Variants in MET observed in about 807,000 individuals in gnomAD.
The protein encoded by MET is hepatocyte growth factor receptor.
MET carries 48 observed loss-of-function variants against 133.1 expected under a neutral mutation model. The observed-to-expected ratio is 0.36, with a 90% CI of 0.29 to 0.46. MET has a LOEUF of 0.46. Among genes scored for constraint, MET ranks in the 20% least tolerant of loss-of-function variants. The pLI is 1.00. For missense variants in MET, 1,442 were observed against 1,695.9 expected (o/e 0.85, Z 2.63); for synonymous variants, 628 against 616.5 (o/e 1.02, Z -0.28).
chr7:116,719,689 GT>G (rs1325429134), intron 2 of MET, among the ~76,000 whole-genome samples: 1 of 152,196 alleles, frequency 6.6e-6, no homozygotes, highest in African/African-American at 2.4e-5. Flanking sequence ...AAGGGATCCA[GT>G]TTCAGCTTTC....
intron 2 of MET, among the ~76,000 whole-genome samples, chr7:116,729,677 C>T (rs1792921697): frequency 3.3e-5 from 5 of 152,176 alleles, no homozygotes; most frequent in Admixed American, 3.3e-4. Flanking sequence ...TTAATACTTT[C>T]TCCCGTCCCC....
intron 1 of MET, among the ~76,000 whole-genome samples, chr7:116,682,953 AAC>A (rs1259469540): frequency 6.6e-6 from 1 of 152,194 alleles, no homozygotes; most frequent in African/African-American, 2.4e-5. Flanking sequence ...CAAAGGATGA[AAC>A]AGTCTTTTCT....
At chr7:116,688,856 AAG>A (rs1475460487) in intron 1 of MET, among the ~76,000 whole-genome samples, 1 of 152,204 alleles carries the variant, frequency 6.6e-6, no homozygotes, top group Non-Finnish European at 1.5e-5. Context: ...TTATAGGACT[AAG>A]AGGGGATGCA....
intron 5 of MET, among the ~76,000 whole-genome samples, chr7:116,752,741 C>A (rs1455716880): frequency 1.3e-5 from 2 of 152,176 alleles, no homozygotes; most frequent in African/African-American, 4.8e-5. Context: ...ATCACCCAAT[C>A]CGTTTGCCTT....
chr7:116,699,707 A>G lies in MET; in HGVS notation c.623A>G (p.Asp208Gly), dbSNP rs587782086. 1.7e-5 allele frequency: 28 copies of G among 1,614,020 alleles called. No individual in the cohort carries two copies. The highest frequency in any genetic ancestry group is 2.1e-5 in the Non-Finnish European group (25 of 1,179,972). Residue 208 changes from aspartate to glycine, a missense_variant, in exon 2 of 21, where the codon GAT (aspartate) becomes GGT (glycine). Asp to Gly is a moderately conservative substitution (Grantham distance 94). Transcript: ENST00000397752. ...GNTINSSYFP[D>G]HPLHSISVRR... ...ACCATAAATTCTTCTTATTTCCCAG[A>G]TCATCCATTGCATTCGATATCAGTG...
intron 2 of MET, among the ~76,000 whole-genome samples, chr7:116,705,715 G>T (rs1047866755): frequency 1.3e-4 from 20 of 152,154 alleles, no homozygotes; most frequent in African/African-American, 4.3e-4. Context: ...GTAAGTAAAA[G>T]GTTATTAATT....
chr7:116,746,867 T>A (rs1793711066), intron 5 of MET, among the ~76,000 whole-genome samples: 1 of 152,098 alleles, frequency 6.6e-6, no homozygotes, highest in Non-Finnish European at 1.5e-5. Context: ...AACATGCACA[T>A]GTATACATAT....
chr7:116,695,715 A>G (rs957914699), intron 1 of MET: 2 of 465,414 alleles, frequency 4.3e-6, no homozygotes, highest in South Asian at 3.3e-5. Context: ...TTGCTTATCT[A>G]GAAGAGAAGG....
rs1309638201 is a variant in MET, at chr7:116,795,702, A to G, written c.3846A>G (p.Pro1282=). The change falls in exon 20 of 21, where the codon CCA becomes CCG. Residue 1282 remains proline, a synonymous_variant. Transcript: ENST00000397752. ...LLWELMTRGA[P]PYPDVNTFDI... The stretch of plus-strand genomic sequence containing the variant: ...GGGAGCTGATGACAAGAGGAGCCCC[A>G]CCTTATCCTGACGTAAACACCTTTG... 1.2e-6 allele frequency: 2 copies of G among 1,613,992 alleles called. No individual in the cohort carries two copies. Among genetic ancestry groups the G allele is most frequent in the African/African-American group, 2.7e-5 (2 of 74,910 alleles).
intron 5 of MET, among the ~76,000 whole-genome samples, chr7:116,754,052 T>A (rs1371090559): frequency 6.6e-6 from 1 of 152,146 alleles, no homozygotes; most frequent in African/African-American, 2.4e-5. Flanking sequence ...GGAGGATTGC[T>A]TGAGCCCAGG....
Position 116,782,104 on chromosome 7 carries a change from A to C in MET, c.3632+7A>C, listed in dbSNP as rs1795175584. 1 of 1,580,262 alleles carries C rather than the reference A, an allele frequency of 6.3e-7. No homozygotes were observed. Among genetic ancestry groups the C allele is most frequent in the South Asian group, 1.1e-5 (1 of 89,932 alleles). ...TGGCTGCAAGAAACTGTATGTAAGTATCAGAATCTCTGTGCCACAATCCAA... is the reference window on the plus strand; with the variant it reads ...TGGCTGCAAGAAACTGTATGTAAGTCTCAGAATCTCTGTGCCACAATCCAA... On this transcript the variant is annotated splice_region_variant and intron_variant, in intron 18 of 20. Transcript: ENST00000397752.
intron 1 of MET, among the ~76,000 whole-genome samples, chr7:116,686,344 C>T (rs566359904): frequency 1.3e-5 from 2 of 152,250 alleles, no homozygotes; most frequent in East Asian, 1.9e-4. Flanking sequence ...TCTCTTTTCC[C>T]ATCTCAGACA....
chr7:116,738,919 A>G (rs1371206531), intron 3 of MET, among the ~76,000 whole-genome samples: 1 of 152,202 alleles, frequency 6.6e-6, no homozygotes, highest in African/African-American at 2.4e-5. Context: ...ACAGATGTCC[A>G]TGTTTGTCCT....
At chr7:116,715,017 T>C (rs952650358) in intron 2 of MET, among the ~76,000 whole-genome samples, 1 of 152,170 alleles carries the variant, frequency 6.6e-6, no homozygotes, top group African/African-American at 2.4e-5. Context: ...ATCTAAACAA[T>C]TGGATTTTGT....
Position 116,781,975 on chromosome 7 carries a change from T to A in MET, c.3523-13T>A, listed in dbSNP as rs1427912768. Reference sequence around the variant, plus strand: ...TGCTTAGTTTATGCTTTTCTAACTCTCTTTGACTGCAGAATCCAACTGTAA... The same window carrying A: ...TGCTTAGTTTATGCTTTTCTAACTCACTTTGACTGCAGAATCCAACTGTAA... On this transcript the variant is annotated splice_polypyrimidine_tract_variant and intron_variant, in intron 17 of 20. Coordinates refer to ENST00000397752, the MANE Select transcript of MET (RefSeq NM_000245.4). 1 of 1,550,376 alleles carries A rather than the reference T, an allele frequency of 6.5e-7. No individual in the cohort carries two copies. The highest frequency in any genetic ancestry group is 8.9e-7 in the Non-Finnish European group (1 of 1,122,554).
Position 116,682,087 on chromosome 7 carries a change from C to T in MET, c.-15+9510C>T, listed in dbSNP as rs550278856. Among the ~76,000 whole-genome samples the T allele has an allele frequency of 7.2e-5, 11 of 152,248 alleles. No homozygotes were observed. In the South Asian group the frequency reaches 1.7e-3, roughly 23 times the overall value. ...GGATTATTGTTCATTGAAATCTGTA[C>T]GTCAAGGCCCAGTGATTTTAAACAT... On this transcript the variant is annotated intron_variant, in intron 1 of 20. Transcript: ENST00000397752.
chr7:116,758,746 T>C, intron 9 of MET, 126 bp downstream of exon 9: 1 of 904,316 alleles, frequency 1.1e-6, no homozygotes, highest in South Asian at 1.5e-5. Context: ...TTTGAAGGCT[T>C]CTTTCCAATT....
intron 5 of MET, among the ~76,000 whole-genome samples, chr7:116,744,938 G>A (rs1017141910): frequency 9.2e-5 from 14 of 152,138 alleles, no homozygotes; most frequent in African/African-American, 3.4e-4. Flanking sequence ...GGACAAACAG[G>A]CAGGAGAAAG....
chr7:116,721,955 T>G (rs1036950595), intron 2 of MET, among the ~76,000 whole-genome samples: 1 of 150,944 alleles, frequency 6.6e-6, no homozygotes, highest in East Asian at 1.9e-4. Flanking sequence ...AAAAAATGTA[T>G]ATTCTGTTGA....
Sources: allele counts gnomAD v4.1 joint callset (sites outside exome capture counted in the v4.1 genomes callset), GRCh38; gene constraint gnomAD v4.1.1; transcripts MANE v1.5; gene names NCBI Gene and HGNC (gene_info 2026-07-23, HGNC 2026-07-21).